Variants in RAD23B observed in about 807,000 individuals in gnomAD.
RAD23B encodes RAD23 nucleotide excision repair protein B.
A neutral mutation model predicts 49.1 loss-of-function variants in RAD23B; 5 were observed. The ratio of observed to expected loss-of-function variants is 0.10; its 90% CI spans 0.05 to 0.21. RAD23B has a LOEUF of 0.21. RAD23B is among the 10% of genes least tolerant of loss of function. RAD23B has a pLI of 1.00. For synonymous variants in RAD23B, 184 were observed against 165.4 expected, an observed-to-expected ratio of 1.11 and a Z score of -0.86; for missense variants, 356 against 486.7, an observed-to-expected ratio of 0.73 and a Z score of 2.53.
At position 107,330,012 on chromosome 9, in the gene RAD23B, T is replaced by A. The variant is rs1827279487; in HGVS notation, c.*356T>A. On this transcript the variant is annotated 3_prime_UTR_variant, in exon 10 of 10. Transcript: ENST00000358015. This position sits in a 1 kb window ranked among gnomAD's most constrained non-coding sequence, Gnocchi z 4.4. Reference sequence around the variant, plus strand: ...TGCCCTGCTTTATATTTCTTTGACTTAACATTGGTTTCAGAAAGAATCTTA... The same window carrying A: ...TGCCCTGCTTTATATTTCTTTGACTAAACATTGGTTTCAGAAAGAATCTTA... 1 of 156,382 alleles carries A rather than the reference T, an allele frequency of 6.4e-6. No individual in the cohort carries two copies. Among genetic ancestry groups the A allele is most frequent in the Non-Finnish European group, 1.4e-5 (1 of 70,626 alleles). The allele number at this position is 156,382 out of a possible 1,614,324, so 9.7% of individuals were successfully genotyped here.
intron 1 of RAD23B, among the ~76,000 whole-genome samples, chr9:107,299,218 A>T (rs1826598745): frequency 6.6e-6 from 1 of 152,202 alleles, no homozygotes; most frequent in Non-Finnish European, 1.5e-5. Flanking sequence ...CTTTATTTGT[A>T]TCCCTTTCTG....
rs1245125595 is a variant in RAD23B at position 107,318,523 on chromosome 9, C to T, written c.554-229C>T. On this transcript the variant is annotated intron_variant, in intron 5 of 9. Transcript: ENST00000358015. The surrounding 1 kb of genome is among the most constrained non-coding windows in gnomAD (Gnocchi z 4.3). ...TAGCAACCTTAATTTTATCTATAAC[C>T]GCAATTTCCCTTTGCCTTGTAACCT... 1.3e-5 allele frequency among the ~76,000 whole-genome samples: 2 copies of T among 152,100 alleles called. No individual in the cohort carries two copies. Among genetic ancestry groups the T allele is most frequent in the South Asian group, 4.1e-4 (2 of 4,826 alleles).
chr9:107,300,089 T>C lies in RAD23B; in HGVS notation c.67-52T>C. On this transcript the variant is annotated intron_variant, in intron 1 of 9. Coordinates refer to ENST00000358015, the MANE Select transcript of RAD23B (RefSeq NM_002874.5). ...TCCATTATTTATTCAGATTCTGGATTGTCATTTTTTATTTAGACTTTTTCC... is the reference window on the plus strand; with the variant it reads ...TCCATTATTTATTCAGATTCTGGATCGTCATTTTTTATTTAGACTTTTTCC... 8 of 1,576,436 alleles carry C rather than the reference T, an allele frequency of 5.1e-6. No homozygotes were observed. In the South Asian group the frequency reaches 9.6e-5, roughly 19 times the overall value.
intron 1 of RAD23B, chr9:107,284,936 G>A (rs1833245434): frequency 7.7e-7 from 1 of 1,301,358 alleles, no homozygotes; most frequent in South Asian, 1.2e-5. Context: ...TTGGTGGTCA[G>A]TAAATGGAAT....
intron 3 of RAD23B, among the ~76,000 whole-genome samples, chr9:107,303,420 T>C (rs1485931133): frequency 6.6e-6 from 1 of 152,216 alleles, no homozygotes; most frequent in Non-Finnish European, 1.5e-5. Context: ...AAGAACCATG[T>C]TGATTTTGCT....
At chr9:107,308,655 A>G (rs1350726975) in intron 4 of RAD23B, among the ~76,000 whole-genome samples, 3 of 152,248 alleles carry the variant, frequency 2.0e-5, no homozygotes, top group African/African-American at 7.2e-5. Context: ...GATCCAGGAA[A>G]GCAGACACTA....
chr9:107,286,794 T>C (rs1833279318), intron 1 of RAD23B, among the ~76,000 whole-genome samples: 1 of 152,116 alleles, frequency 6.6e-6, no homozygotes, highest in Non-Finnish European at 1.5e-5. Flanking sequence ...AAGTTTAGGC[T>C]GGGTGTGGTG....
At chr9:107,313,728 C>T (rs1282811697) in intron 5 of RAD23B, among the ~76,000 whole-genome samples, 1 of 152,186 alleles carries the variant, frequency 6.6e-6, no homozygotes, top group Non-Finnish European at 1.5e-5. Flanking sequence ...AACTTTAGAA[C>T]CTCCATGACT....
rs549296727 is a variant in RAD23B, at chr9:107,312,511, G to A, written c.553+774G>A. On this transcript the variant is annotated intron_variant, in intron 5 of 9. Coordinates refer to ENST00000358015, the MANE Select transcript of RAD23B (RefSeq NM_002874.5). ...TTGGTTCTCTGAGCTAGTTGGACTG[G>A]AACTCCGTGATGCCCTTGTTGCTGT... Among the ~76,000 whole-genome samples, 3 of 152,280 alleles carry A rather than the reference G, an allele frequency of 2.0e-5. No homozygotes were observed. In the South Asian group the frequency reaches 6.2e-4, roughly 32 times the overall value.
At chr9:107,321,673 A>C (rs1827114467) in intron 6 of RAD23B, among the ~76,000 whole-genome samples, 1 of 152,168 alleles carries the variant, frequency 6.6e-6, no homozygotes, top group Non-Finnish European at 1.5e-5. Context: ...ATTTGATGCT[A>C]ATTACGTGTG....
rs112565231 is a variant in RAD23B, at chr9:107,316,015, A to AT, written c.554-2723dup. 3.0e-3 allele frequency among the ~76,000 whole-genome samples: 424 copies of AT among 143,646 alleles called. 3 individuals carry two copies. Among genetic ancestry groups the AT allele is most frequent in the African/African-American group, 6.3e-3 (248 of 39,270 alleles). The allele number at this position is 143,646 out of a possible 152,430, so 94.2% of individuals were successfully genotyped here. A position where few individuals can be genotyped will look rare whatever the true frequency, so the allele number is the denominator to read the frequency against. On this transcript the variant is annotated intron_variant, in intron 5 of 9. Coordinates refer to ENST00000358015, the MANE Select transcript of RAD23B (RefSeq NM_002874.5). ...GCACCATGACTTAATACTTTTACGAATTTTTTTTTTTTTTGGAGACAGTCT... is the reference window on the plus strand; with the variant it reads ...GCACCATGACTTAATACTTTTACGAATTTTTTTTTTTTTTTGGAGACAGTCT...
chr9:107,329,513 G>A, intron 9 of RAD23B, 30 bp from the exon 10 acceptor site: 1 of 1,356,154 alleles, frequency 7.4e-7, no homozygotes, highest in Non-Finnish European at 1.0e-6. Context: ...TTGGTGTGTT[G>A]GATTTATATT....
chr9:107,295,075 C>T (rs997877562), intron 1 of RAD23B, among the ~76,000 whole-genome samples: 19 of 151,240 alleles, frequency 1.3e-4, no homozygotes, highest in African/African-American at 4.6e-4. Flanking sequence ...AATGGAATGG[C>T]CAGCGGTGGG....
chr9:107,318,275 T>G lies in RAD23B; in HGVS notation c.554-477T>G, dbSNP rs1827034782. 6.6e-6 allele frequency among the ~76,000 whole-genome samples: 1 copy of G among 152,106 alleles called. No individual in the cohort carries two copies. Among genetic ancestry groups the G allele is most frequent in the Non-Finnish European group, 1.5e-5 (1 of 68,014 alleles). ...CTTTTTGGAGACTCCGGGGAAGAATTTTTTTCCTGATCCTGTCCTACCATA... is the reference window on the plus strand; with the variant it reads ...CTTTTTGGAGACTCCGGGGAAGAATGTTTTTCCTGATCCTGTCCTACCATA... On this transcript the variant is annotated intron_variant, in intron 5 of 9. Transcript: ENST00000358015. This position sits in a 1 kb window ranked among gnomAD's most constrained non-coding sequence, Gnocchi z 4.3.
At chr9:107,322,339 C>T (rs1006808746) in intron 7 of RAD23B, among the ~76,000 whole-genome samples, 3 of 152,140 alleles carry the variant, frequency 2.0e-5, no homozygotes, top group East Asian at 1.9e-4. Flanking sequence ...GCAGTTTTGC[C>T]GAAGGGCATA....
chr9:107,301,680 G>A (rs1240714959), intron 2 of RAD23B, among the ~76,000 whole-genome samples: 3 of 152,058 alleles, frequency 2.0e-5, no homozygotes, highest in Non-Finnish European at 2.9e-5. Flanking sequence ...TAGGACCATA[G>A]GCATGTGCCA....
rs1240586242 is a variant in RAD23B, at chr9:107,329,876, T to C, written c.*220T>C. The C allele has an allele frequency of 1.5e-5, 5 of 322,590 alleles. No homozygotes were observed. Among genetic ancestry groups the C allele is most frequent in the Non-Finnish European group, 1.7e-5 (3 of 177,988 alleles). 20.0% of individuals were successfully genotyped at this position (322,590 alleles called of 1,614,324 possible). On this transcript the variant is annotated 3_prime_UTR_variant, in exon 10 of 10. Coordinates refer to ENST00000358015, the MANE Select transcript of RAD23B (RefSeq NM_002874.5). ...GCAACTCCACACAGTGTGTAAAATA[T>C]ATACAACCAAAAATCAGCTTTTGCA...
chr9:107,307,136 T>C (rs776896776), intron 4 of RAD23B, among the ~76,000 whole-genome samples: 1 of 152,196 alleles, frequency 6.6e-6, no homozygotes, highest in African/African-American at 2.4e-5. Context: ...CCTGAACCTA[T>C]GGACTATTTC....
rs3056494 is a variant in RAD23B, at chr9:107,331,689, CAA to C, written c.*2044_*2045del. The stretch of plus-strand genomic sequence containing the variant: ...CTCAGATCATAGTGAAAACTGGAAA[CAA>C]AAAAAAAAAACAGCCTCTTCTTGGA... On this transcript the variant is annotated 3_prime_UTR_variant, in exon 10 of 10. Coordinates refer to ENST00000358015, the MANE Select transcript of RAD23B (RefSeq NM_002874.5). 3.5e-3 allele frequency: 2,350 copies of C among 680,750 alleles called. 1 individual carries two copies. Among genetic ancestry groups the C allele is most frequent in the Admixed American group, 3.9e-3 (206 of 52,790 alleles). The allele number at this position is 680,750 out of a possible 1,614,324, so 42.2% of individuals were successfully genotyped here.
Sources: gnomAD v4.1 joint callset for allele counts (sites outside exome capture counted in the v4.1 genomes callset) on GRCh38, gnomAD v4.1.1 for gene constraint, Gnocchi (gnomAD v3.1) non-coding constraint, MANE v1.5 for transcripts, NCBI Gene and HGNC (gene_info 2026-07-23, HGNC 2026-07-21) for gene names.